The following ZNF704 variants were observed in gnomAD, a reference collection of about 807,000 sequenced individuals.
ZNF704 encodes zinc finger protein 704.
Under a neutral mutation model 44.7 loss-of-function variants are expected in ZNF704, and 10 were observed. The ratio of observed to expected loss-of-function variants is 0.22; its 90% CI spans 0.14 to 0.38. The LOEUF is 0.38. Among genes scored for constraint, ZNF704 ranks in the 10% least tolerant of loss-of-function variants. ZNF704 has a pLI of 1.00. For synonymous variants in ZNF704, 211 were observed against 207.6 expected, an observed-to-expected ratio of 1.02 and a Z score of -0.14; for missense variants, 390 against 545.5, an observed-to-expected ratio of 0.71 and a Z score of 2.84.
At chr8:80,641,970 C>T (rs1333234959) in intron 8 of ZNF704, among the ~76,000 whole-genome samples, 1 of 152,196 alleles carries the variant, frequency 6.6e-6, no homozygotes, top group Admixed American at 6.5e-5. Flanking sequence ...TCCATTTGGG[C>T]ATCTTCATAA....
chr8:80,859,351 C>T (rs1809020290), intron 1 of ZNF704, among the ~76,000 whole-genome samples: 1 of 152,182 alleles, frequency 6.6e-6, no homozygotes, highest in African/African-American at 2.4e-5. Flanking sequence ...AAAGGGTTAT[C>T]CCTGTCTTGT....
chr8:80,657,249 G>C (rs1463511498), intron 7 of ZNF704, among the ~76,000 whole-genome samples: 1 of 151,978 alleles, frequency 6.6e-6, no homozygotes, highest in Non-Finnish European at 1.5e-5. Flanking sequence ...GTCTTTCTAG[G>C]GTAAAACAAA....
At chr8:80,747,712 G>T (rs569435237) in intron 2 of ZNF704, among the ~76,000 whole-genome samples, 2 of 152,210 alleles carry the variant, frequency 1.3e-5, no homozygotes, top group Non-Finnish European at 2.9e-5. Context: ...TGAAAAAATG[G>T]TTTTTTTGTT....
chr8:80,753,044 T>G (rs1309291685), intron 2 of ZNF704, among the ~76,000 whole-genome samples: 1 of 152,228 alleles, frequency 6.6e-6, no homozygotes, highest in Non-Finnish European at 1.5e-5. Flanking sequence ...AGCGATGTTT[T>G]TTTATACCTT....
rs1387473858 is a variant in ZNF704 at position 80,762,387 on chromosome 8, T to C, written c.221+58987A>G. Among the ~76,000 whole-genome samples, 8 of 152,286 alleles carry C rather than the reference T, an allele frequency of 5.3e-5. No individual in the cohort carries two copies. The East Asian group carries it at 1.4e-3, about 26-fold the overall frequency. ...GGAGGCCTCAGCAAACTTACAATCA[T>C]GGTGAAAGGTGAAGGGGAAGTAAGG... On this transcript the variant is annotated intron_variant, in intron 2 of 8. Transcript: ENST00000327835.
chr8:80,643,655 A>C (rs918393973), intron 7 of ZNF704, among the ~76,000 whole-genome samples: 3 of 152,096 alleles, frequency 2.0e-5, no homozygotes, highest in African/African-American at 7.2e-5. Context: ...ACCCACCAAC[A>C]GCCAATATCT....
intron 1 of ZNF704, among the ~76,000 whole-genome samples, chr8:80,824,433 G>C (rs1808336250): frequency 1.3e-5 from 2 of 152,190 alleles, no homozygotes; most frequent in Non-Finnish European, 2.9e-5. Context: ...TATGTGAAAA[G>C]ACCAAATCTA....
intron 1 of ZNF704, among the ~76,000 whole-genome samples, chr8:80,822,289 A>T (rs1808288387): frequency 7.5e-6 from 1 of 132,650 alleles, no homozygotes; most frequent in South Asian, 2.5e-4. Flanking sequence ...AACCCATGAC[A>T]GGCCCCGGTG....
At chr8:80,801,754 A>G (rs1037602203) in intron 2 of ZNF704, among the ~76,000 whole-genome samples, 2 of 152,134 alleles carry the variant, frequency 1.3e-5, no homozygotes, top group East Asian at 1.9e-4. Flanking sequence ...CTAAGTCGCA[A>G]CTAAAAGAAC....
chr8:80,861,886 TCTC>T (rs1303174048), intron 1 of ZNF704, among the ~76,000 whole-genome samples: 2 of 151,702 alleles, frequency 1.3e-5, no homozygotes, highest in Admixed American at 6.6e-5. Context: ...ATCTGAATCT[TCTC>T]CTTCTCCATA....
At chr8:80,682,152 ACT>A (rs1400048821) in intron 4 of ZNF704, among the ~76,000 whole-genome samples, 1 of 152,216 alleles carries the variant, frequency 6.6e-6, no homozygotes, top group African/African-American at 2.4e-5. Context: ...CAGCAGAGAG[ACT>A]GGCAACATGC....
At chr8:80,789,075 T>C (rs1030861288) in intron 2 of ZNF704, among the ~76,000 whole-genome samples, 1 of 152,206 alleles carries the variant, frequency 6.6e-6, no homozygotes, top group Non-Finnish European at 1.5e-5. Flanking sequence ...ATACCATTAA[T>C]TTCAATTAGA....
intron 1 of ZNF704, among the ~76,000 whole-genome samples, chr8:80,848,785 T>C (rs1207310095): frequency 6.6e-6 from 1 of 151,826 alleles, no homozygotes; most frequent in Non-Finnish European, 1.5e-5. Context: ...AAAAAAAGTT[T>C]TAAAAACTAA....
chr8:80,744,308 C>G (rs910757699), intron 2 of ZNF704, among the ~76,000 whole-genome samples: 2 of 150,766 alleles, frequency 1.3e-5, no homozygotes, highest in African/African-American at 4.8e-5. Flanking sequence ...TGGCACTGTT[C>G]TAGAACATTG....
At chr8:80,843,759 C>T (rs1808718982) in intron 1 of ZNF704, among the ~76,000 whole-genome samples, 1 of 152,058 alleles carries the variant, frequency 6.6e-6, no homozygotes, top group African/African-American at 2.4e-5. Flanking sequence ...AATTGTAAAG[C>T]TTGAATATTT....
intron 1 of ZNF704, among the ~76,000 whole-genome samples, chr8:80,864,750 G>A (rs1040137938): frequency 1.3e-5 from 2 of 152,180 alleles, no homozygotes; most frequent in Non-Finnish European, 2.9e-5. Flanking sequence ...AGGGTGGGAA[G>A]GGCAAACCCA....
At chr8:80,742,320 G>A (rs1049684582) in intron 2 of ZNF704, among the ~76,000 whole-genome samples, 2 of 152,174 alleles carry the variant, frequency 1.3e-5, no homozygotes, top group African/African-American at 4.8e-5. Flanking sequence ...AACCTCACGA[G>A]GACATAGTTT....
Position 80,862,759 on chromosome 8 carries a change from C to T in ZNF704, c.-22+11812G>A, listed in dbSNP as rs559162539. On this transcript the variant is annotated intron_variant, in intron 1 of 8. Transcript: ENST00000327835. ...CAGCCTGGGCAACAGAGTGAGACTC[C>T]GTCTCAAAAAAAAAAAAAAAAAAAA... Among the ~76,000 whole-genome samples the T allele has an allele frequency of 1.2e-4, 15 of 120,888 alleles. No homozygotes were observed. The South Asian group carries it at 2.8e-3, about 23-fold the overall frequency. 79.3% of individuals were successfully genotyped at this position (120,888 alleles called of 152,430 possible).
intron 1 of ZNF704, among the ~76,000 whole-genome samples, chr8:80,830,753 C>CTTTCTTTTTTTTTTT (rs1554585536): frequency 3.4e-5 from 3 of 89,130 alleles, no homozygotes; most frequent in African/African-American, 4.7e-5. Context: ...GTGTTTCTTT[C>CTTTCTTTTTTTTTTT]TTTTTTTTTT....
Sources: allele counts gnomAD v4.1 joint callset (sites outside exome capture counted in the v4.1 genomes callset), GRCh38; gene constraint gnomAD v4.1.1; transcripts MANE v1.5; gene names NCBI Gene and HGNC (gene_info 2026-07-23, HGNC 2026-07-21).